CTSS: variants seen among roughly 807,000 people sequenced by gnomAD.
The protein encoded by CTSS is cathepsin S.
A neutral mutation model predicts 39.9 loss-of-function variants in CTSS; 15 were observed. That is an observed-to-expected ratio of 0.38 (90% CI 0.25 to 0.58). The LOEUF is 0.58. Ranked by LOEUF, CTSS falls within the 20% of genes least tolerant of loss-of-function variation. The pLI, the probability that CTSS is intolerant of heterozygous loss-of-function variation, is 0.70. For missense variants in CTSS, 250 were observed against 398.2 expected, an observed-to-expected ratio of 0.63 and a Z score of 3.17; for synonymous variants, 126 against 138.2, an observed-to-expected ratio of 0.91 and a Z score of 0.62.
chr1:150,749,597 A>ACTTTG (rs1252211034), intron 6 of CTSS, among the ~76,000 whole-genome samples: 8 of 9,620 alleles, frequency 8.3e-4, no homozygotes, highest in Admixed American at 5.3e-3. Flanking sequence ...GCCCCGCCCC[A>ACTTTG]CCTTGCCCTG....
chr1:150,739,424 C>A (rs1422613899), intron 7 of CTSS, among the ~76,000 whole-genome samples: 2 of 152,074 alleles, frequency 1.3e-5, no homozygotes, highest in Non-Finnish European at 2.9e-5. Context: ...GAAAGCAAAA[C>A]AACAGGCCAG....
chr1:150,751,667 C>T (rs1224107836), intron 5 of CTSS, 114 bp downstream of exon 5: 2 of 845,690 alleles, frequency 2.4e-6, no homozygotes, highest in Admixed American at 2.4e-5. Context: ...TCAGGGTTCT[C>T]TCTCACACAC....
At position 150,731,294 on chromosome 1, in the gene CTSS, A is replaced by AGGAGAATC. The variant is rs1473369772; in HGVS notation, c.*1744_*1751dup. 7 of 152,288 alleles carry AGGAGAATC rather than the reference A, an allele frequency of 4.6e-5. No homozygotes were observed. Among genetic ancestry groups the AGGAGAATC allele is most frequent in the Non-Finnish European group, 1.5e-5 (1 of 68,110 alleles). 9.4% of individuals were successfully genotyped at this position (152,288 alleles called of 1,614,324 possible). On this transcript the variant is annotated 3_prime_UTR_variant, in exon 8 of 8. Coordinates refer to ENST00000368985, the MANE Select transcript of CTSS (RefSeq NM_004079.5). ...TTCCAGCTACTCGGGAGGCTGAGGCAGGAGAATCGCTTGAACTCGGGAGGC... is the reference window on the plus strand; with the variant it reads ...TTCCAGCTACTCGGGAGGCTGAGGCAGGAGAATCGGAGAATCGCTTGAACTCGGGAGGC...
At chr1:150,753,588 T>C (rs1215563738) in intron 4 of CTSS, among the ~76,000 whole-genome samples, 1 of 152,238 alleles carries the variant, frequency 6.6e-6, no homozygotes, top group Non-Finnish European at 1.5e-5. Context: ...GCAATAAAAG[T>C]CTGTGTTAAA....
intron 2 of CTSS, 138 bp downstream of exon 2, chr1:150,764,500 A>T (rs1653326768): frequency 1.7e-6 from 2 of 1,151,984 alleles, no homozygotes; most frequent in Non-Finnish European, 2.5e-6. Flanking sequence ...GGCCTTCCAA[A>T]GGGCTAGGAT....
At chr1:150,738,490 A>ATTTTTT (rs200199076) in intron 7 of CTSS, among the ~76,000 whole-genome samples, 5 of 138,908 alleles carry the variant, frequency 3.6e-5, no homozygotes, top group Non-Finnish European at 7.8e-5. Context: ...GTGATCAGTG[A>ATTTTTT]TTTTTTTTTT....
At chr1:150,763,290 G>A (rs1217463965) in intron 2 of CTSS, among the ~76,000 whole-genome samples, 4 of 152,108 alleles carry the variant, frequency 2.6e-5, no homozygotes, top group Admixed American at 2.6e-4. Flanking sequence ...GCTGGGCGGA[G>A]GGTAGACAGG....
At chr1:150,736,691 T>C (rs1652641854) in intron 7 of CTSS, among the ~76,000 whole-genome samples, 1 of 152,036 alleles carries the variant, frequency 6.6e-6, no homozygotes, top group Non-Finnish European at 1.5e-5. Context: ...CCGACCAAGA[T>C]CAATTGCCCC....
rs912539175 is a variant in CTSS, at chr1:150,732,446, G to A, written c.*600C>T. 1 of 152,068 alleles carries A rather than the reference G, an allele frequency of 6.6e-6. No individual in the cohort carries two copies. The highest frequency in any genetic ancestry group is 6.6e-5 in the Admixed American group (1 of 15,258). The allele number at this position is 152,068 out of a possible 1,614,324, so 9.4% of individuals were successfully genotyped here. On this transcript the variant is annotated 3_prime_UTR_variant, in exon 8 of 8. Transcript: ENST00000368985. ...ATCAAGTTACAAAAGGCTATTAGGG[G>A]TCTTAAAAAGACAAAGAGTATACAA...
intron 4 of CTSS, among the ~76,000 whole-genome samples, chr1:150,753,281 A>G (rs1030011130): frequency 6.6e-6 from 1 of 152,210 alleles, no homozygotes; most frequent in Non-Finnish European, 1.5e-5. Flanking sequence ...ACCTCTAACT[A>G]ATTTAGGATT....
Position 150,750,047 on chromosome 1 carries a change from C to T in CTSS, c.752G>A (p.Gly251Asp). ...GAAAGAAGGATGACGCGCATCTACA[C>T]CAACAGACACTGGGCCTTTATTGGC... ...AVANKGPVSV[G>D]VDARHPSFFL... Residue 251 changes from glycine to aspartate, a missense_variant, in exon 6 of 8, where the codon GGT becomes GAT. Coordinates refer to ENST00000368985, the MANE Select transcript of CTSS (RefSeq NM_004079.5). The T allele has an allele frequency of 6.2e-7, 1 of 1,613,828 alleles. No individual in the cohort carries two copies. The highest frequency in any genetic ancestry group is 8.5e-7 in the Non-Finnish European group (1 of 1,179,790).
intron 4 of CTSS, among the ~76,000 whole-genome samples, chr1:150,752,539 G>A (rs1202774150): frequency 6.6e-6 from 1 of 152,162 alleles, no homozygotes; most frequent in East Asian, 1.9e-4. Context: ...AGCTGCTTTA[G>A]TTTTAAAAGG....
intron 5 of CTSS, among the ~76,000 whole-genome samples, chr1:150,751,309 C>T (rs587675985): frequency 1.3e-5 from 2 of 152,146 alleles, no homozygotes; most frequent in South Asian, 2.1e-4. Flanking sequence ...AGTACAGTGG[C>T]GTGATCTCGG....
chr1:150,739,567 G>T (rs1396511375), intron 7 of CTSS, among the ~76,000 whole-genome samples: 2 of 152,092 alleles, frequency 1.3e-5, no homozygotes. Flanking sequence ...GGTGGCACAT[G>T]CCTGTAGTCT....
chr1:150,753,157 C>G (rs1051770480), intron 4 of CTSS, among the ~76,000 whole-genome samples: 2 of 152,108 alleles, frequency 1.3e-5, no homozygotes, highest in Non-Finnish European at 2.9e-5. Flanking sequence ...GCCTGGCCAC[C>G]ATTTACTTCC....
chr1:150,756,708 CTTTTTTTTT>C (rs72242218), intron 3 of CTSS, among the ~76,000 whole-genome samples: 3 of 131,182 alleles, frequency 2.3e-5, no homozygotes, highest in African/African-American at 8.4e-5. Flanking sequence ...TTCTTTCTTT[CTTTTTTTTT>C]TTTTTTTTTC....
Position 150,732,205 on chromosome 1 carries a change from G to A in CTSS, c.*841C>T, listed in dbSNP as rs142768900. 3.9e-5 allele frequency: 6 copies of A among 152,200 alleles called. No homozygotes were observed. In the East Asian group the frequency reaches 5.8e-4, roughly 15 times the overall value. 9.4% of individuals were successfully genotyped at this position (152,200 alleles called of 1,614,324 possible). On this transcript the variant is annotated 3_prime_UTR_variant, in exon 8 of 8. Coordinates refer to ENST00000368985, the MANE Select transcript of CTSS (RefSeq NM_004079.5). ...GGATTACAGGCATGAGCCACTACACGTGGCGTTTTGAATCCTCTTCTGTAC... is the reference window on the plus strand; with the variant it reads ...GGATTACAGGCATGAGCCACTACACATGGCGTTTTGAATCCTCTTCTGTAC...
chr1:150,747,709 A>T lies in CTSS; in HGVS notation c.896+68T>A, dbSNP rs1464092990. 4.1e-6 allele frequency: 4 copies of T among 967,036 alleles called. No homozygotes were observed. In the African/African-American group the frequency reaches 6.5e-5, roughly 16 times the overall value. The allele number at this position is 967,036 out of a possible 1,614,324, so 59.9% of individuals were successfully genotyped here. On this transcript the variant is annotated intron_variant, in intron 7 of 7. Coordinates refer to ENST00000368985, the MANE Select transcript of CTSS (RefSeq NM_004079.5). ...GATCATAATGATCATCATCAAAATCATGAGAGTATTTGCTGAAACTCCCTC... is the reference window on the plus strand; with the variant it reads ...GATCATAATGATCATCATCAAAATCTTGAGAGTATTTGCTGAAACTCCCTC...
chr1:150,739,793 C>T (rs1381265260), intron 7 of CTSS, among the ~76,000 whole-genome samples: 2 of 152,218 alleles, frequency 1.3e-5, no homozygotes, highest in African/African-American at 2.4e-5. Context: ...CTAGCCACAA[C>T]ATGCCCTTAA....
Sources: allele counts gnomAD v4.1 joint callset (sites outside exome capture counted in the v4.1 genomes callset), GRCh38; gene constraint gnomAD v4.1.1; transcripts MANE v1.5; gene names NCBI Gene and HGNC (gene_info 2026-07-23, HGNC 2026-07-21).